SLC39A6: variants seen among roughly 807,000 people sequenced by gnomAD.
SLC39A6 encodes the protein zinc transporter ZIP6.
A neutral mutation model predicts 63.5 loss-of-function variants in SLC39A6; 51 were observed. That is an observed-to-expected ratio of 0.80 (90% CI 0.64 to 1.01). The LOEUF (loss-of-function observed/expected upper bound fraction) is 1.01. Among genes scored for constraint, SLC39A6 ranks in the 50% least tolerant of loss-of-function variants. The pLI is 0.00. For synonymous variants in SLC39A6, 318 were observed against 324.7 expected (o/e 0.98, Z 0.22); for missense variants, 805 against 927.8 (o/e 0.87, Z 1.72).
chr18:36,110,013 C>T (rs1198722320), intron 9 of SLC39A6, among the ~76,000 whole-genome samples: 2 of 151,996 alleles, frequency 1.3e-5, no homozygotes, highest in Admixed American at 6.6e-5. Flanking sequence ...AAATGAAAAG[C>T]GATATTGATT....
chr18:36,112,707 C>CA lies in SLC39A6; in HGVS notation c.1844-127dup, dbSNP rs2089310018. On this transcript the variant is annotated intron_variant, in intron 7 of 9. Transcript: ENST00000269187. ...GTGAATGAATAGAAGTTTCCCAAAC[C>CA]AACTCTGTATCTTCTTTGTAAGAAA... 17 of 678,170 alleles carry CA rather than the reference C, an allele frequency of 2.5e-5. No homozygotes were observed. In the South Asian group the frequency reaches 3.0e-4, roughly 12 times the overall value. The allele number at this position is 678,170 out of a possible 1,614,324, so 42.0% of individuals were successfully genotyped here.
intron 5 of SLC39A6, among the ~76,000 whole-genome samples, chr18:36,121,453 G>A (rs954161315): frequency 6.6e-6 from 1 of 152,164 alleles, no homozygotes; most frequent in Non-Finnish European, 1.5e-5. Flanking sequence ...CACCCCACCT[G>A]ACCCACATCA....
chr18:36,111,269 A>G lies in SLC39A6; in HGVS notation c.1925-20T>C, dbSNP rs1291998932. ...AGTCACCTTTAACAGAAAACAAAAA[A>G]GGAGGAAAAAGTCATTGAGAAATCA... is the stretch of plus-strand genomic sequence containing the variant. On this transcript the variant is annotated intron_variant, in intron 8 of 9. Coordinates refer to ENST00000269187, the MANE Select transcript of SLC39A6 (RefSeq NM_012319.4). 23 of 1,605,766 alleles carry G rather than the reference A, an allele frequency of 1.4e-5. No individual in the cohort carries two copies. The highest frequency in any genetic ancestry group is 2.0e-5 in the Non-Finnish European group (23 of 1,175,640).
At position 36,129,265 on chromosome 18, in the gene SLC39A6, CTCGGTCCG is replaced by C. The variant is rs575802329; in HGVS notation, c.-169_-162del. The C allele has an allele frequency of 8.3e-4, 129 of 156,174 alleles. No individual in the cohort carries two copies. Among genetic ancestry groups the C allele is most frequent in the African/African-American group, 3.0e-3 (125 of 41,600 alleles). 9.7% of individuals were successfully genotyped at this position (156,174 alleles called of 1,614,324 possible). On this transcript the variant is annotated 5_prime_UTR_variant, in exon 1 of 10. Transcript: ENST00000269187. ...GGTGGTTTCATTGGGTTGGCTGCCC[CTCGGTCCG>C]GGGGCAGCGCCGCGCAGCCACCCGG... is the stretch of plus-strand genomic sequence containing the variant.
At chr18:36,127,921 T>C (rs948419) in intron 1 of SLC39A6, among the ~76,000 whole-genome samples, 41,100 of 151,856 alleles carry the variant, frequency 0.27, 5,742 homozygotes, top group Middle Eastern at 0.35. Context: ...CTCAAATAAG[T>C]GTATACTTTA....
At chr18:36,115,790 T>C (rs898740894) in intron 6 of SLC39A6, among the ~76,000 whole-genome samples, 1 of 151,920 alleles carries the variant, frequency 6.6e-6, no homozygotes, top group African/African-American at 2.4e-5. Flanking sequence ...AGGAGCTGGG[T>C]TGAAAACATG....
intron 8 of SLC39A6, among the ~76,000 whole-genome samples, chr18:36,111,650 A>G (rs1018669789): frequency 2.6e-5 from 4 of 152,006 alleles, no homozygotes; most frequent in African/African-American, 9.7e-5. Context: ...ACACCTGGAT[A>G]ATTTTTTTAC....
chr18:36,123,455 T>C (rs763853755), intron 4 of SLC39A6, 40 bp downstream of exon 4: 2 of 1,509,688 alleles, frequency 1.3e-6, no homozygotes, highest in Non-Finnish European at 1.8e-6. Flanking sequence ...TTTTCAATGT[T>C]GAATAATCAA....
Position 36,123,614 on chromosome 18 carries a change from GCAGAGA to G in SLC39A6, c.1015_1020del (p.Ser339_Leu340del). 1 of 1,612,606 alleles carries G rather than the reference GCAGAGA, an allele frequency of 6.2e-7. No individual in the cohort carries two copies. Among genetic ancestry groups the G allele is most frequent in the Non-Finnish European group, 8.5e-7 (1 of 1,179,638 alleles). On this transcript the variant is annotated inframe_deletion, in exon 4 of 10. Transcript: ENST00000269187. ...ATGAGAGGCACTAAGATAACCCCCA[GCAGAGA>G]CAGGAAACTGATGATGGAAATGGCT... is the stretch of plus-strand genomic sequence containing the variant.
chr18:36,126,192 T>TA, intron 2 of SLC39A6, 27 bp downstream of exon 2: 2 of 1,591,248 alleles, frequency 1.3e-6, no homozygotes, highest in Non-Finnish European at 1.7e-6. Flanking sequence ...ACAGGTATAT[T>TA]AAAATAATGA....
chr18:36,112,474 C>A, intron 8 of SLC39A6, 27 bp downstream of exon 8: 1 of 1,557,878 alleles, frequency 6.4e-7, no homozygotes. Context: ...ACCCACTTGG[C>A]AAATACAATT....
chr18:36,111,108 A>G lies in SLC39A6; in HGVS notation c.2066T>C (p.Ile689Thr). The stretch of plus-strand genomic sequence containing the variant: ...GAATAAGCCAGCAGTAAGTGCAAAT[A>G]TCCACATAGAAACATTTTCAGCATA... ...GHYAENVSMW[I>T]FALTAGLFMY... The change falls in exon 9 of 10, where the codon ATA becomes ACA. Residue 689 changes from isoleucine to threonine, a missense_variant. Coordinates refer to ENST00000269187, the MANE Select transcript of SLC39A6 (RefSeq NM_012319.4). 6.2e-7 allele frequency: 1 copy of G among 1,614,248 alleles called. No individual in the cohort carries two copies. The highest frequency in any genetic ancestry group is 8.5e-7 in the Non-Finnish European group (1 of 1,180,028).
At chr18:36,112,819 T>A (rs1023812390) in intron 7 of SLC39A6, among the ~76,000 whole-genome samples, 1 of 152,200 alleles carries the variant, frequency 6.6e-6, no homozygotes, top group Admixed American at 6.5e-5. Context: ...GGCCTTAGAA[T>A]GAGCGGATAA....
At chr18:36,119,836 T>C (rs939048499) in intron 5 of SLC39A6, among the ~76,000 whole-genome samples, 3 of 151,830 alleles carry the variant, frequency 2.0e-5, no homozygotes, top group Non-Finnish European at 2.9e-5. Context: ...GCTATGATCA[T>C]GCCACTGCAC....
chr18:36,109,798 C>G lies in SLC39A6; in HGVS notation c.2116-53G>C. On this transcript the variant is annotated intron_variant, in intron 9 of 9. Coordinates refer to ENST00000269187, the MANE Select transcript of SLC39A6 (RefSeq NM_012319.4). The stretch of plus-strand genomic sequence containing the variant: ...AGTGACATTTAAGTTTTTAGAACTA[C>G]AGATTAGTTTTTAGAAAAATTTATA... 6 of 1,503,558 alleles carry G rather than the reference C, an allele frequency of 4.0e-6. No homozygotes were observed. The South Asian group carries it at 7.3e-5, about 18-fold the overall frequency. The allele number at this position is 1,503,558 out of a possible 1,614,324, so 93.1% of individuals were successfully genotyped here. A position where few individuals can be genotyped will look rare whatever the true frequency, so the allele number is the denominator to read the frequency against.
chr18:36,121,062 A>C (rs2089389433), intron 5 of SLC39A6, among the ~76,000 whole-genome samples: 2 of 152,228 alleles, frequency 1.3e-5, no homozygotes, highest in Non-Finnish European at 2.9e-5. Context: ...AACTTGAAGA[A>C]AATCCTGGTC....
chr18:36,123,791 G>T, intron 3 of SLC39A6, 127 bp from the exon 4 acceptor site: 1 of 880,720 alleles, frequency 1.1e-6, no homozygotes, highest in Non-Finnish European at 1.7e-6. Flanking sequence ...CAAATTCAAT[G>T]CAAATAGGAC....
chr18:36,118,819 C>A (rs960778776), intron 5 of SLC39A6, among the ~76,000 whole-genome samples: 1 of 152,174 alleles, frequency 6.6e-6, no homozygotes, highest in African/African-American at 2.4e-5. Context: ...AACAAAATAA[C>A]GTGGACAGGC....
At position 36,126,396 on chromosome 18, in the gene SLC39A6, T is replaced by A. The variant is rs759824265; in HGVS notation, c.612A>T (p.Thr204=). Residue 204 remains threonine, a synonymous_variant, in exon 2 of 10, where the codon ACA becomes ACT. Transcript: ENST00000269187. The stretch of plus-strand genomic sequence containing the variant: ...GTTTTCCAGGTCTTGGAGTCTCTAT[T>A]GTCTCTAGAAAGTGAGTTCCTTCAG... The part of the protein sequence containing the change: ...TVSEGTHFLE[T]IETPRPGKLF... The A allele has an allele frequency of 6.2e-7, 1 of 1,614,260 alleles. No individual in the cohort carries two copies. The highest frequency in any genetic ancestry group is 1.1e-5 in the South Asian group (1 of 91,084).
Sources: gnomAD v4.1 joint callset for allele counts (sites outside exome capture counted in the v4.1 genomes callset) on GRCh38, gnomAD v4.1.1 for gene constraint, MANE v1.5 for transcripts, NCBI Gene and HGNC (gene_info 2026-07-23, HGNC 2026-07-21) for gene names.